Variants in CCNH observed in about 807,000 individuals in gnomAD.
The protein encoded by CCNH is cyclin-H.
CCNH carries 31 observed loss-of-function variants against 41.9 expected under a neutral mutation model. The ratio of observed to expected loss-of-function variants is 0.74; its 90% CI spans 0.56 to 1.00. CCNH has a LOEUF of 1.00. Among genes scored for constraint, CCNH ranks in the 50% least tolerant of loss-of-function variants. CCNH has a pLI of 0.00. For synonymous variants in CCNH, 138 were observed against 136.1 expected, an observed-to-expected ratio of 1.01 and a Z score of -0.10; for missense variants, 362 against 388.4, an observed-to-expected ratio of 0.93 and a Z score of 0.57.
rs923855980 is a variant in CCNH, at chr5:87,396,915, A to C, written c.873-1811T>G. Among the ~76,000 whole-genome samples, 10 of 152,350 alleles carry C rather than the reference A, an allele frequency of 6.6e-5. No individual in the cohort carries two copies. In the East Asian group the frequency reaches 1.9e-3, roughly 29 times the overall value. On this transcript the variant is annotated intron_variant, in intron 7 of 8. Transcript: ENST00000256897. ...GGCTGGCAAAGGTAAACAACTGCTA[A>C]GTAACTTCTGAGGTCATGACAGATT... is the stretch of plus-strand genomic sequence containing the variant.
downstream of CCNH, chr5:87,390,961 T>G: frequency 1.4e-6 from 2 of 1,419,536 alleles, no homozygotes; most frequent in South Asian, 1.2e-5. Context: ...TCTCCTTTGC[T>G]CTTGCCAAAA....
downstream of CCNH, chr5:87,374,145 A>G (rs779403478): frequency 5.9e-6 from 8 of 1,348,460 alleles, no homozygotes; most frequent in Admixed American, 2.7e-5. Flanking sequence ...ATATATATAT[A>G]TATTTTTTTT....
upstream of CCNH, among the ~76,000 whole-genome samples, chr5:87,382,108 A>G (rs897708467): frequency 1.3e-5 from 2 of 152,128 alleles, no homozygotes; most frequent in Non-Finnish European, 2.9e-5. Flanking sequence ...ATGCACCACC[A>G]TACCTGGCTA....
chr5:87,379,941 CTAA>C, upstream of CCNH: 2 of 1,276,814 alleles, frequency 1.6e-6, no homozygotes, highest in South Asian at 1.3e-5. Context: ...TTCTGTTGTC[CTAA>C]TATTATTATA....
intron 9 of CCNH, among the ~76,000 whole-genome samples, chr5:87,384,355 A>T (rs979552323): frequency 2.0e-5 from 3 of 152,146 alleles, no homozygotes; most frequent in Non-Finnish European, 4.4e-5. Flanking sequence ...AGCTTCTTTC[A>T]AAGAAAGGAT....
chr5:87,320,534 G>A (rs1436300961), intron 9 of CCNH, among the ~76,000 whole-genome samples: 2 of 152,292 alleles, frequency 1.3e-5, no homozygotes, highest in East Asian at 3.9e-4. Context: ...ATCTTCACAT[G>A]GTGACAGGAG....
At chr5:87,338,936 G>T (rs1758241405) in intron 9 of CCNH, among the ~76,000 whole-genome samples, 1 of 151,954 alleles carries the variant, frequency 6.6e-6, no homozygotes, top group Non-Finnish European at 1.5e-5. Flanking sequence ...ATTACCAGGT[G>T]CATTTTTAAT....
chr5:87,317,067 G>C (rs1402517062), downstream of CCNH, among the ~76,000 whole-genome samples: 3 of 152,070 alleles, frequency 2.0e-5, no homozygotes, highest in Admixed American at 1.3e-4. Flanking sequence ...ATTTTTAGTA[G>C]AGTTGGGGTT....
At chr5:87,407,887 G>A in intron 4 of CCNH, 89 bp downstream of exon 4, 1 of 965,710 alleles carries the variant, frequency 1.0e-6, no homozygotes, top group South Asian at 1.5e-5. Context: ...ATAACAACGA[G>A]GATGATTATG....
At chr5:87,348,420 G>C (rs1372411103) in intron 9 of CCNH, among the ~76,000 whole-genome samples, 2 of 151,906 alleles carry the variant, frequency 1.3e-5, no homozygotes, top group Non-Finnish European at 2.9e-5. Flanking sequence ...TGTATTATGA[G>C]TCACTGCCAA....
At chr5:87,382,240 C>T (rs946267612) in intron 9 of CCNH, among the ~76,000 whole-genome samples, 1 of 152,172 alleles carries the variant, frequency 6.6e-6, no homozygotes, top group Non-Finnish European at 1.5e-5. Flanking sequence ...CATGAGCCAC[C>T]ATGCCCAGCC....
chr5:87,353,299 G>GT (rs1759416770), intron 9 of CCNH: 1 of 1,276,502 alleles, frequency 7.8e-7, no homozygotes. Context: ...TTGGTGGTAT[G>GT]TTTTTGCACA....
chr5:87,383,592 T>C, intron 9 of CCNH: 1 of 699,106 alleles, frequency 1.4e-6, no homozygotes, highest in South Asian at 2.1e-5. Flanking sequence ...TTTTATTGGT[T>C]TAGAGTGAAT....
At chr5:87,357,503 A>G (rs895872767) in intron 9 of CCNH, among the ~76,000 whole-genome samples, 4 of 152,162 alleles carry the variant, frequency 2.6e-5, no homozygotes, top group Non-Finnish European at 2.9e-5. Flanking sequence ...GTTTTGATCA[A>G]GACCATCCTG....
At chr5:87,366,370 C>CT (rs1561313902) in intron 9 of CCNH, 1 of 431,024 alleles carries the variant, frequency 2.3e-6, no homozygotes, top group African/African-American at 2.0e-5. Flanking sequence ...GATTGGAAGT[C>CT]TGTTGGCACA....
chr5:87,318,801 C>G (rs1561277291), exon 10 of CCNH: 1 of 152,270 alleles, frequency 6.6e-6, no homozygotes, highest in East Asian at 1.9e-4. Context: ...ACAATCATGC[C>G]TTCCCAACAG....
chr5:87,313,738 C>T (rs564145643), downstream of CCNH, among the ~76,000 whole-genome samples: 131 of 152,124 alleles, frequency 8.6e-4, no homozygotes, highest in Middle Eastern at 3.4e-3. Flanking sequence ...TCATGGTAGA[C>T]GATTAATTAT....
exon 10 of CCNH, chr5:87,318,662 C>T (rs946188984): frequency 1.3e-5 from 2 of 152,232 alleles, no homozygotes; most frequent in Non-Finnish European, 2.9e-5. Flanking sequence ...ATCCAATCAC[C>T]TCCTACCAGG....
intron 9 of CCNH, among the ~76,000 whole-genome samples, chr5:87,350,466 T>C (rs781474625): frequency 6.6e-6 from 1 of 151,982 alleles, no homozygotes; most frequent in South Asian, 2.1e-4. Context: ...AATGTCCATA[T>C]TGAGATCCTT....
Sources: gnomAD v4.1 joint callset for allele counts (sites outside exome capture counted in the v4.1 genomes callset) on GRCh38, gnomAD v4.1.1 for gene constraint, MANE v1.5 for transcripts, NCBI Gene and HGNC (gene_info 2026-07-23, HGNC 2026-07-21) for gene names.